Variants in BTRC observed in about 807,000 individuals in gnomAD.
BTRC encodes F-box/WD repeat-containing protein 1A.
A neutral mutation model predicts 85.5 loss-of-function variants in BTRC; 42 were observed. The observed-to-expected ratio is 0.49, with a 90% CI of 0.38 to 0.64. The LOEUF (loss-of-function observed/expected upper bound fraction) is 0.64, where lower values mean the gene tolerates loss of function less well. BTRC is among the 30% of genes least tolerant of loss of function. BTRC has a pLI of 0.00. For synonymous variants in BTRC, 255 were observed against 263.3 expected (o/e 0.97, Z 0.30); for missense variants, 594 against 743.5 (o/e 0.80, Z 2.34).
intron 2 of BTRC, among the ~76,000 whole-genome samples, chr10:101,435,773 G>A (rs560363933): frequency 6.6e-6 from 1 of 152,128 alleles, no homozygotes; most frequent in South Asian, 2.1e-4. Flanking sequence ...AGACAGTGAA[G>A]CAATTCTTCA....
intron 1 of BTRC, among the ~76,000 whole-genome samples, chr10:101,405,121 C>T (rs763123931): frequency 1.1e-4 from 17 of 151,986 alleles, no homozygotes; most frequent in Non-Finnish European, 2.2e-4. Flanking sequence ...TGAGTTCCTC[C>T]CTCTGTACAA....
chr10:101,552,259 G>C (rs1403118221), intron 14 of BTRC, among the ~76,000 whole-genome samples: 1 of 151,670 alleles, frequency 6.6e-6, no homozygotes, highest in Non-Finnish European at 1.5e-5. Flanking sequence ...CACAATGTCA[G>C]CTCATTGCAA....
At chr10:101,530,435 T>A (rs1337648044) in intron 6 of BTRC, among the ~76,000 whole-genome samples, 1 of 150,934 alleles carries the variant, frequency 6.6e-6, no homozygotes, top group Non-Finnish European at 1.5e-5. Context: ...GCAAAAGTGA[T>A]CTCCATGCCA....
At chr10:101,531,182 G>A in intron 6 of BTRC, 55 bp from the exon 7 acceptor site, 1 of 1,349,682 alleles carries the variant, frequency 7.4e-7, no homozygotes. Flanking sequence ...AAATATATAT[G>A]TATTTAAATA....
At chr10:101,505,628 A>T (rs181281791) in intron 4 of BTRC, among the ~76,000 whole-genome samples, 47,481 of 120,974 alleles carry the variant, frequency 0.39, 9,647 homozygotes, top group East Asian at 0.68. Context: ...TCAAAAAAAT[A>T]AAAAAAAAAA....
At chr10:101,379,945 A>G (rs947940709) in intron 1 of BTRC, among the ~76,000 whole-genome samples, 1 of 152,224 alleles carries the variant, frequency 6.6e-6, no homozygotes, top group Admixed American at 6.5e-5. Context: ...CCTTGTTTTC[A>G]AAGGTATTTA....
At chr10:101,437,001 A>G (rs899309459) in intron 2 of BTRC, among the ~76,000 whole-genome samples, 1 of 152,230 alleles carries the variant, frequency 6.6e-6, no homozygotes, top group South Asian at 2.1e-4. Flanking sequence ...TTCAAATTCT[A>G]TTACAAAACA....
chr10:101,475,951 A>ATATATATATATATATATATT (rs1412943010), intron 3 of BTRC, among the ~76,000 whole-genome samples: 2 of 139,644 alleles, frequency 1.4e-5, no homozygotes, highest in African/African-American at 2.7e-5. Flanking sequence ...ATATATATAT[A>ATATATATATATATATATATT]TATTCAGTAA....
Position 101,445,822 on chromosome 10 carries a change from G to A in BTRC, c.156+15370G>A, listed in dbSNP as rs140063814. Among the ~76,000 whole-genome samples the A allele has an allele frequency of 8.9e-3, 1,358 of 152,294 alleles. 12 individuals carry two copies. The highest frequency in any genetic ancestry group is 0.015 in the South Asian group (70 of 4,824). ...TTGACATGTGTGTTGTGTACCCTGA[G>A]GATGAAGTGCAGTTTGAATTATCTG... On this transcript the variant is annotated intron_variant, in intron 2 of 14. Transcript: ENST00000370187.
At position 101,418,241 on chromosome 10, in the gene BTRC, GC is replaced by G. The variant is rs575374327; in HGVS notation, c.49-12102del. On this transcript the variant is annotated intron_variant, in intron 1 of 14. Coordinates refer to ENST00000370187, the MANE Select transcript of BTRC (RefSeq NM_033637.4). ...AAATTAGCTGGGTGTGGTGGCGGGT[GC>G]CTGTAGTCCCAGCTACTCAGGAGGC... Among the ~76,000 whole-genome samples, 28 of 152,122 alleles carry G rather than the reference GC, an allele frequency of 1.8e-4. No individual in the cohort carries two copies. In the East Asian group the frequency reaches 5.2e-3, roughly 28 times the overall value.
rs528112483 is a variant in BTRC, at chr10:101,434,701, G to A, written c.156+4249G>A. Among the ~76,000 whole-genome samples, 19 of 152,100 alleles carry A rather than the reference G, an allele frequency of 1.2e-4. No individual in the cohort carries two copies. In the East Asian group the frequency reaches 3.1e-3, roughly 25 times the overall value. ...CCCAGCTACTCAGGAAGCTGAGGCG[G>A]GAGGATTGCTTAAGCCCAGGAGTTC... On this transcript the variant is annotated intron_variant, in intron 2 of 14. Coordinates refer to ENST00000370187, the MANE Select transcript of BTRC (RefSeq NM_033637.4).
intron 1 of BTRC, among the ~76,000 whole-genome samples, chr10:101,383,819 C>T (rs1184656142): frequency 6.6e-6 from 1 of 152,144 alleles, no homozygotes; most frequent in Non-Finnish European, 1.5e-5. Context: ...ATCTCATTAA[C>T]CTAGCTAATT....
At chr10:101,407,714 A>G (rs1943664744) in intron 1 of BTRC, among the ~76,000 whole-genome samples, 2 of 140,494 alleles carry the variant, frequency 1.4e-5, no homozygotes, top group Non-Finnish European at 3.0e-5. Flanking sequence ...TTAAACATTA[A>G]TTTTTTTCTT....
intron 1 of BTRC, among the ~76,000 whole-genome samples, chr10:101,428,525 C>CCT (rs763383654): frequency 1.3e-5 from 2 of 152,204 alleles, no homozygotes; most frequent in Middle Eastern, 3.4e-3. Flanking sequence ...TCTGGTGATG[C>CCT]CTTTAGCAGA....
intron 9 of BTRC, 52 bp from the exon 10 acceptor site, chr10:101,534,609 A>C: frequency 7.5e-6 from 12 of 1,606,470 alleles, no homozygotes; most frequent in Non-Finnish European, 1.0e-5. Flanking sequence ...GGTCAAATAT[A>C]GGTAACAGAT....
chr10:101,445,394 T>C (rs117120739), intron 2 of BTRC, among the ~76,000 whole-genome samples: 1,923 of 152,328 alleles, frequency 0.013, 21 homozygotes, highest in South Asian at 0.032. Context: ...ATCTATAAAA[T>C]ATATTTCAAC....
intron 1 of BTRC, among the ~76,000 whole-genome samples, chr10:101,404,024 A>ATTTT (rs1343104334): frequency 4.2e-4 from 10 of 24,066 alleles, no homozygotes; most frequent in East Asian, 1.3e-3. Flanking sequence ...ATATATATAT[A>ATTTT]TATATATTTT....
intron 13 of BTRC, among the ~76,000 whole-genome samples, chr10:101,544,804 A>G (rs1354973843): frequency 6.6e-6 from 1 of 152,156 alleles, no homozygotes; most frequent in Non-Finnish European, 1.5e-5. Context: ...CACACCTGTA[A>G]TCCCAGCACT....
chr10:101,365,347 A>G (rs1347180582), intron 1 of BTRC, among the ~76,000 whole-genome samples: 1 of 146,650 alleles, frequency 6.8e-6, no homozygotes, highest in African/African-American at 2.5e-5. Context: ...TGCTGGGATT[A>G]CTGGCGTGAG....
Sources: gnomAD v4.1 joint callset for allele counts (sites outside exome capture counted in the v4.1 genomes callset) on GRCh38, gnomAD v4.1.1 for gene constraint, MANE v1.5 for transcripts, NCBI Gene and HGNC (gene_info 2026-07-23, HGNC 2026-07-21) for gene names.